WWOX: variants seen among roughly 807,000 people sequenced by gnomAD.
WWOX encodes WW domain-containing oxidoreductase.
A neutral mutation model predicts 46.2 loss-of-function variants in WWOX; 69 were observed. The observed-to-expected ratio is 1.49, with a 90% CI of 1.23 to 1.82. The LOEUF is 1.82. Among genes scored for constraint, WWOX ranks in the 40% most tolerant of loss-of-function variants. WWOX has a pLI of 0.00. For synonymous variants in WWOX, 359 were observed against 202.6 expected (o/e 1.77, Z -6.56); for missense variants, 919 against 542.6 (o/e 1.69, Z -6.89).
At chr16:78,325,712 T>C (rs1282095902) in intron 5 of WWOX, among the ~76,000 whole-genome samples, 1 of 152,224 alleles carries the variant, frequency 6.6e-6, no homozygotes, top group Non-Finnish European at 1.5e-5. Context: ...TCACCCTGTG[T>C]TTTTCATGGG....
intron 6 of WWOX, among the ~76,000 whole-genome samples, chr16:78,403,383 C>T (rs995183704): frequency 6.6e-6 from 1 of 152,072 alleles, no homozygotes; most frequent in Non-Finnish European, 1.5e-5. Flanking sequence ...ATTAATGTTC[C>T]CTTCCCATGA....
intron 8 of WWOX, among the ~76,000 whole-genome samples, chr16:78,745,720 T>A (rs2049332627): frequency 1.4e-5 from 2 of 147,636 alleles, no homozygotes; most frequent in Middle Eastern, 3.5e-3. Flanking sequence ...CCTCATAGAT[T>A]TCTTCTTTTC....
chr16:79,190,677 G>C (rs941548688), intron 8 of WWOX, among the ~76,000 whole-genome samples: 1 of 152,212 alleles, frequency 6.6e-6, no homozygotes, highest in African/African-American at 2.4e-5. Flanking sequence ...AGGTAGAAGA[G>C]GGCTCTGCCA....
chr16:79,189,509 C>T (rs1336276907), intron 8 of WWOX, among the ~76,000 whole-genome samples: 1 of 150,416 alleles, frequency 6.6e-6, no homozygotes. Flanking sequence ...CTGTGTTGGC[C>T]AGGCCGGTCT....
At chr16:78,308,855 C>G (rs2080181423) in intron 5 of WWOX, among the ~76,000 whole-genome samples, 1 of 152,134 alleles carries the variant, frequency 6.6e-6, no homozygotes, top group Admixed American at 6.5e-5. Context: ...AACCAATTGC[C>G]AATCAGAAGA....
intron 8 of WWOX, among the ~76,000 whole-genome samples, chr16:78,932,196 T>C (rs1465551788): frequency 6.6e-6 from 1 of 152,196 alleles, no homozygotes. Context: ...CCTTCGAACA[T>C]GGAGGGGTAG....
chr16:78,121,158 G>T (rs1311413536), intron 4 of WWOX, among the ~76,000 whole-genome samples: 1 of 151,928 alleles, frequency 6.6e-6, no homozygotes, highest in Non-Finnish European at 1.5e-5. Flanking sequence ...GTGGGATCTT[G>T]GCATTTATCT....
intron 6 of WWOX, among the ~76,000 whole-genome samples, chr16:78,394,799 G>T (rs1439796859): frequency 6.6e-6 from 1 of 152,186 alleles, no homozygotes; most frequent in Non-Finnish European, 1.5e-5. Flanking sequence ...GATTGGCCAG[G>T]GGCCATAGTA....
At chr16:78,723,554 C>CTTCTT (rs55748059) in intron 8 of WWOX, among the ~76,000 whole-genome samples, 1,768 of 107,544 alleles carry the variant, frequency 0.016, 55 homozygotes, top group Middle Eastern at 0.029. Context: ...GATTCCCAGC[C>CTTCTT]TTCTTTTCTT....
At chr16:78,524,395 T>C (rs950630638) in intron 8 of WWOX, among the ~76,000 whole-genome samples, 1 of 63,932 alleles carries the variant, frequency 1.6e-5, no homozygotes, top group Admixed American at 2.2e-4. Context: ...TTCATTTATT[T>C]ATTTATTTAT....
At chr16:78,172,948 T>C (rs903356592) in intron 5 of WWOX, among the ~76,000 whole-genome samples, 3 of 152,164 alleles carry the variant, frequency 2.0e-5, no homozygotes, top group African/African-American at 4.8e-5. Flanking sequence ...CCTGAGACTG[T>C]TTTTCATATT....
intron 8 of WWOX, among the ~76,000 whole-genome samples, chr16:78,823,014 G>A (rs776511788): frequency 1.3e-5 from 2 of 152,124 alleles, no homozygotes; most frequent in Non-Finnish European, 1.5e-5. Context: ...AAGAAATATT[G>A]GATTCATATT....
At chr16:78,883,684 A>C (rs937812011) in intron 8 of WWOX, among the ~76,000 whole-genome samples, 1 of 151,806 alleles carries the variant, frequency 6.6e-6, no homozygotes, top group Non-Finnish European at 1.5e-5. Flanking sequence ...AGATCATGCT[A>C]CTGTACTCCA....
intron 8 of WWOX, among the ~76,000 whole-genome samples, chr16:78,559,753 C>T (rs1458445438): frequency 6.6e-6 from 1 of 152,190 alleles, no homozygotes; most frequent in Non-Finnish European, 1.5e-5. Context: ...TAACTAATGA[C>T]TTTAATCGTG....
chr16:79,005,879 C>G (rs2047180031), intron 8 of WWOX, among the ~76,000 whole-genome samples: 1 of 152,166 alleles, frequency 6.6e-6, no homozygotes, highest in African/African-American at 2.4e-5. Context: ...GAGAGAAACT[C>G]AACCTTGGTG....
intron 8 of WWOX, among the ~76,000 whole-genome samples, chr16:78,505,583 A>G (rs540275370): frequency 2.0e-5 from 3 of 152,184 alleles, no homozygotes; most frequent in Middle Eastern, 3.4e-3. Flanking sequence ...CCAGTGCCCT[A>G]CCTCTTGGGG....
intron 1 of WWOX, chr16:78,100,223 C>G (rs1437711476): frequency 5.2e-6 from 6 of 1,158,524 alleles, no homozygotes; most frequent in Non-Finnish European, 6.5e-6. Context: ...CTCCTGCAGG[C>G]TCTGGGTTGC....
At chr16:78,800,967 G>A (rs544254947) in intron 8 of WWOX, among the ~76,000 whole-genome samples, 1 of 151,602 alleles carries the variant, frequency 6.6e-6, no homozygotes, top group East Asian at 1.9e-4. Flanking sequence ...AAAAAAGTGA[G>A]CATAAATGCA....
intron 8 of WWOX, among the ~76,000 whole-genome samples, chr16:78,997,173 G>T (rs961400153): frequency 6.6e-6 from 1 of 151,060 alleles, no homozygotes; most frequent in African/African-American, 2.4e-5. Flanking sequence ...ATTTTCCGGG[G>T]GAAGAGGAGG....
Sources: gnomAD v4.1 joint callset for allele counts (sites outside exome capture counted in the v4.1 genomes callset) on GRCh38, gnomAD v4.1.1 for gene constraint, MANE v1.5 for transcripts, NCBI Gene and HGNC (gene_info 2026-07-23, HGNC 2026-07-21) for gene names.